Variants in CSF1R observed in about 807,000 individuals in gnomAD.
The protein encoded by CSF1R is colony stimulating factor 1 receptor.
Under a neutral mutation model 110.0 loss-of-function variants are expected in CSF1R, and 40 were observed. That is an observed-to-expected ratio of 0.36 (90% CI 0.28 to 0.47). CSF1R has a LOEUF of 0.47. CSF1R is among the 20% of genes least tolerant of loss of function. CSF1R has a pLI of 0.99. For synonymous variants in CSF1R, 523 were observed against 503.4 expected (o/e 1.04, Z -0.52); for missense variants, 1,052 against 1,253.0 (o/e 0.84, Z 2.42).
intron 1 of CSF1R, among the ~76,000 whole-genome samples, chr5:150,083,142 C>T (rs1035632655): frequency 1.3e-4 from 20 of 151,994 alleles, no homozygotes; most frequent in African/African-American, 4.1e-4. Flanking sequence ...GGAAGGAAGC[C>T]GGCTTGGCCC....
intron 19 of CSF1R, chr5:150,054,937 CTA>C (rs1757131824): frequency 3.1e-6 from 1 of 323,954 alleles, no homozygotes; most frequent in African/African-American, 2.3e-5. Flanking sequence ...CTGCAGTGAG[CTA>C]TGATTGCACA....
At chr5:150,068,610 T>G (rs137859706) in intron 9 of CSF1R, among the ~76,000 whole-genome samples, 1 of 152,300 alleles carries the variant, frequency 6.6e-6, no homozygotes, top group Non-Finnish European at 1.5e-5. Flanking sequence ...TCATGCAGTC[T>G]CACCCTCTGC....
At chr5:150,082,327 G>A (rs939580708) in intron 1 of CSF1R, among the ~76,000 whole-genome samples, 1 of 152,236 alleles carries the variant, frequency 6.6e-6, no homozygotes, top group African/African-American at 2.4e-5. Context: ...CCCCACCATA[G>A]AGCCCAGAAT....
rs188184628 is a variant in CSF1R at position 150,081,290 on chromosome 5, C to A, written c.50-266G>T. On this transcript the variant is annotated intron_variant, in intron 1 of 20. Coordinates refer to ENST00000675795, the MANE Select transcript of CSF1R (RefSeq NM_001288705.3). Reference sequence around the variant, plus strand: ...CTCAGCCTCTCACCCAGGCCTCTGTCCCCCTGGGGTCCTCAGCCTCCTGCC... The same window carrying A: ...CTCAGCCTCTCACCCAGGCCTCTGTACCCCTGGGGTCCTCAGCCTCCTGCC... 3.3e-3 allele frequency among the ~76,000 whole-genome samples: 496 copies of A among 152,278 alleles called. 4 individuals are homozygous for A. The highest frequency in any genetic ancestry group is 0.012 in the African/African-American group (478 of 41,546).
At chr5:150,091,415 A>G (rs1237882186), upstream of CSF1R, among the ~76,000 whole-genome samples, 1 of 152,228 alleles carries the variant, frequency 6.6e-6, no homozygotes, top group African/African-American at 2.4e-5. Flanking sequence ...TGTCCATACA[A>G]TTGAATATTA....
chr5:150,079,901 A>G lies in CSF1R; in HGVS notation c.592+151T>C, dbSNP rs771039701. The G allele has an allele frequency of 1.7e-4, 161 of 974,776 alleles. 1 individual carries two copies. The highest frequency in any genetic ancestry group is 7.7e-4 in the South Asian group (46 of 59,850). 60.4% of individuals were successfully genotyped at this position (974,776 alleles called of 1,614,324 possible). A position where few individuals can be genotyped will look rare whatever the true frequency, so the allele number is the denominator to read the frequency against. ...ACACCTTGTCAGTCCTGCCCCATAG[A>G]TGATCGTGGAACCATTGAGGGGAAG... On this transcript the variant is annotated intron_variant, in intron 3 of 20. Transcript: ENST00000675795.
chr5:150,105,347 C>CAAAAA (rs780403646), intron 1 of CSF1R, among the ~76,000 whole-genome samples: 62 of 76,554 alleles, frequency 8.1e-4, no homozygotes, highest in African/African-American at 3.1e-3. Flanking sequence ...GACTCTGTCT[C>CAAAAA]AAAAAAAAAA....
intron 1 of CSF1R, among the ~76,000 whole-genome samples, chr5:150,103,680 G>A (rs1311868149): frequency 6.6e-6 from 1 of 152,204 alleles, no homozygotes; most frequent in Non-Finnish European, 1.5e-5. Context: ...TTGGAGCTGG[G>A]CCTTGAAGGA....
At chr5:150,058,725 C>T (rs1757364330) in intron 14 of CSF1R, among the ~76,000 whole-genome samples, 2 of 151,772 alleles carry the variant, frequency 1.3e-5, no homozygotes, top group Non-Finnish European at 1.5e-5. Flanking sequence ...GAAGAGATGG[C>T]CTCCTTCTCT....
At chr5:150,064,649 T>G (rs917077856) in intron 10 of CSF1R, among the ~76,000 whole-genome samples, 3 of 152,140 alleles carry the variant, frequency 2.0e-5, no homozygotes, top group African/African-American at 7.2e-5. Flanking sequence ...GCTAAGACTG[T>G]TTTTTCTTAC....
At chr5:150,086,352 G>A in intron 1 of CSF1R, 27 bp downstream of exon 1, 3 of 1,587,442 alleles carry the variant, frequency 1.9e-6, no homozygotes, top group Non-Finnish European at 2.6e-6. Flanking sequence ...CCCCAACAAA[G>A]TCCCCCACCC....
chr5:150,070,137 C>A (rs368488335), intron 8 of CSF1R, 45 bp downstream of exon 8: 5 of 1,609,494 alleles, frequency 3.1e-6, no homozygotes, highest in Non-Finnish European at 4.2e-6. Flanking sequence ...CACAGGGTGC[C>A]CAGCCCCTGA....
At chr5:150,073,555 A>T in intron 5 of CSF1R, 62 bp from the exon 6 acceptor site, 1 of 1,548,510 alleles carries the variant, frequency 6.5e-7, no homozygotes, top group African/African-American at 1.4e-5. Flanking sequence ...TTATTTGTCC[A>T]TTTTGTCATC....
intron 1 of CSF1R, among the ~76,000 whole-genome samples, chr5:150,091,820 A>G (rs1581339537): frequency 6.6e-6 from 1 of 150,684 alleles, no homozygotes; most frequent in East Asian, 1.9e-4. Context: ...AACAAAAACT[A>G]AGAGAATTCA....
rs761956322 is a variant in CSF1R at position 150,068,265 on chromosome 5, T to G, written c.1576A>C (p.Met526Leu). 1.2e-6 allele frequency: 2 copies of G among 1,612,822 alleles called. No homozygotes were observed. Among genetic ancestry groups the G allele is most frequent in the Non-Finnish European group, 1.7e-6 (2 of 1,179,934 alleles). The part of the protein sequence containing the change: ...TPVVVACMSI[M>L]ALLLLLLLLL... ...AGGAGCAGCAGCAGCAGCAAGGCCA[T>G]GATGGACATGCAGGCGACCACCACT... is the stretch of plus-strand genomic sequence containing the variant. The change falls in exon 10 of 21, where the codon ATG becomes CTG. Residue 526 changes from methionine (M) to leucine (L), a missense_variant. By Grantham distance (15) the Met-to-Leu change is conservative (BLOSUM62 2). Around this residue, in one of 5 missense-constraint regions of CSF1R, gnomAD observed 693 missense variants for 735.4 expected, o/e 0.94. Coordinates refer to ENST00000675795, the MANE Select transcript of CSF1R (RefSeq NM_001288705.3).
intron 5 of CSF1R, among the ~76,000 whole-genome samples, chr5:150,076,014 C>A (rs769431053): frequency 4.6e-5 from 7 of 152,202 alleles, no homozygotes; most frequent in Non-Finnish European, 1.0e-4. Context: ...CACGGCCAGA[C>A]CTAAATGTCT....
chr5:150,092,267 G>A lies in CSF1R; in HGVS notation c.-180-5660C>T, dbSNP rs548198896. Among the ~76,000 whole-genome samples the A allele has an allele frequency of 1.0e-3, 158 of 152,312 alleles. 1 individual carries two copies. Among genetic ancestry groups the A allele is most frequent in the African/African-American group, 3.6e-3 (151 of 41,572 alleles). On this transcript the variant is annotated intron_variant, in intron 1 of 21. Transcript: ENST00000286301. ...TGCCAATCTCTGATTTAAAGCAAAA[G>A]TAGTAGCAATGCATTGTATATTTAT... is the stretch of plus-strand genomic sequence containing the variant.
Position 150,081,704 on chromosome 5 carries a change from G to A in CSF1R, c.50-680C>T, listed in dbSNP as rs560496593. On this transcript the variant is annotated intron_variant, in intron 1 of 20. Coordinates refer to ENST00000675795, the MANE Select transcript of CSF1R (RefSeq NM_001288705.3). ...GAACATCACCTGTCACCAAATAAAT[G>A]GCTCAGTAAGAGTTAGTCACTATGT... 1.3e-3 allele frequency among the ~76,000 whole-genome samples: 205 copies of A among 152,262 alleles called. 2 individuals carry two copies. The highest frequency in any genetic ancestry group is 4.7e-3 in the African/African-American group (195 of 41,544).
intron 1 of CSF1R, among the ~76,000 whole-genome samples, chr5:150,109,058 G>GCCCCCCCCCCCCCCCCCCCCCCCC (rs60014782): frequency 8.4e-6 from 1 of 119,736 alleles, no homozygotes; most frequent in Non-Finnish European, 1.9e-5. Flanking sequence ...GGAGAAGCCC[G>GCCCCCCCCCCCCCCCCCCCCCCCC]CCCCCCCCCC....
Sources: gnomAD v4.1 joint callset for allele counts (sites outside exome capture counted in the v4.1 genomes callset) on GRCh38, gnomAD v4.1.1 for gene constraint, gnomAD v4.1.1 regional missense constraint, MANE v1.5 for transcripts, NCBI Gene and HGNC (gene_info 2026-07-23, HGNC 2026-07-21) for gene names.